OLFM2: variants seen among roughly 807,000 people sequenced by gnomAD.
OLFM2 encodes olfactomedin 2.
A neutral mutation model predicts 43.9 loss-of-function variants in OLFM2; 20 were observed. That is an observed-to-expected ratio of 0.46 (90% CI 0.32 to 0.66). The LOEUF (loss-of-function observed/expected upper bound fraction) is 0.66, where lower values mean the gene tolerates loss of function less well. Among genes scored for constraint, OLFM2 ranks in the 30% least tolerant of loss-of-function variants. OLFM2 has a pLI of 0.04. For missense variants in OLFM2, 416 were observed against 643.6 expected, an observed-to-expected ratio of 0.65 and a Z score of 3.83; for synonymous variants, 268 against 278.6, an observed-to-expected ratio of 0.96 and a Z score of 0.38.
In OLFM2 at chr19:9,898,615, C is replaced by T. The variant is rs947733657; in HGVS notation, c.63+37689G>A. ...CTGGGCTCATGCGATCCTCCTGCCT[C>T]AACCTCCCAAAGTTCTGGAATTACA... On this transcript the variant is annotated intron_variant, in intron 1 of 5. Transcript: ENST00000264833. 5.3e-5 allele frequency among the ~76,000 whole-genome samples: 8 copies of T among 152,198 alleles called. 1 individual carries two copies. In the South Asian group the frequency reaches 1.2e-3, roughly 24 times the overall value.
intron 1 of OLFM2, among the ~76,000 whole-genome samples, chr19:9,905,158 C>T (rs1244090416): frequency 2.6e-5 from 4 of 151,394 alleles, no homozygotes; most frequent in African/African-American, 9.7e-5. Flanking sequence ...CCTGTCTCTA[C>T]TAAAAATACA....
chr19:9,864,450 A>AC (rs2046385224), intron 1 of OLFM2, among the ~76,000 whole-genome samples: 1 of 151,704 alleles, frequency 6.6e-6, no homozygotes, highest in South Asian at 2.1e-4. Context: ...ACAATCACCC[A>AC]CCTCCATGCC....
intron 1 of OLFM2, among the ~76,000 whole-genome samples, chr19:9,890,784 T>C (rs1223102226): frequency 1.3e-5 from 2 of 151,630 alleles, no homozygotes; most frequent in Non-Finnish European, 2.9e-5. Flanking sequence ...AAGACCCCTA[T>C]TCTACAAAAT....
chr19:9,931,545 A>G (rs2086481875), intron 1 of OLFM2, among the ~76,000 whole-genome samples: 1 of 152,006 alleles, frequency 6.6e-6, no homozygotes, highest in African/African-American at 2.4e-5. Context: ...TACTAAAAAT[A>G]CAAAAATTAG....
intron 1 of OLFM2, among the ~76,000 whole-genome samples, chr19:9,886,509 T>C (rs1410091095): frequency 1.3e-5 from 2 of 151,952 alleles, no homozygotes; most frequent in African/African-American, 4.8e-5. Context: ...AGGGTATTTA[T>C]GTCAGTGTCC....
At chr19:9,873,668 C>T (rs1348919037) in intron 1 of OLFM2, among the ~76,000 whole-genome samples, 1 of 152,006 alleles carries the variant, frequency 6.6e-6, no homozygotes, top group Non-Finnish European at 1.5e-5. Flanking sequence ...TGCTCTGTCC[C>T]CCAGGCCGTG....
chr19:9,877,842 T>A (rs376474882), intron 1 of OLFM2, among the ~76,000 whole-genome samples: 2 of 150,606 alleles, frequency 1.3e-5, no homozygotes, highest in Non-Finnish European at 3.0e-5. Flanking sequence ...TTTTTTTTTT[T>A]AAGAAAGATT....
intron 1 of OLFM2, among the ~76,000 whole-genome samples, chr19:9,885,273 C>T (rs1009084309): frequency 1.3e-5 from 2 of 152,166 alleles, no homozygotes; most frequent in African/African-American, 2.4e-5. Context: ...GCTGAGTCTC[C>T]GGCAGTTAAT....
chr19:9,893,483 C>T (rs1325808773), intron 1 of OLFM2, among the ~76,000 whole-genome samples: 2 of 151,782 alleles, frequency 1.3e-5, no homozygotes, highest in Non-Finnish European at 2.9e-5. Context: ...AGCATCTTAA[C>T]ACCTTGGGGA....
intron 1 of OLFM2, among the ~76,000 whole-genome samples, chr19:9,904,182 G>GTGTGTGTGTGTGTGTA (rs2046765238): frequency 2.7e-5 from 4 of 150,926 alleles, no homozygotes; most frequent in African/African-American, 9.8e-5. Flanking sequence ...GTGTGTGTGT[G>GTGTGTGTGTGTGTGTA]TGTGTGTGTG....
chr19:9,881,379 A>G (rs1014581613), intron 1 of OLFM2, among the ~76,000 whole-genome samples: 4 of 152,148 alleles, frequency 2.6e-5, no homozygotes, highest in African/African-American at 9.7e-5. Flanking sequence ...AGGGCTACTG[A>G]GAGATGGACT....
intron 1 of OLFM2, among the ~76,000 whole-genome samples, chr19:9,927,804 G>T (rs1162550455): frequency 6.6e-6 from 1 of 152,180 alleles, no homozygotes; most frequent in Admixed American, 6.6e-5. Flanking sequence ...AGTGACTCAT[G>T]CCTGTAATCC....
intron 2 of OLFM2, among the ~76,000 whole-genome samples, chr19:9,858,487 A>G (rs1412101236): frequency 1.3e-5 from 2 of 152,150 alleles, no homozygotes; most frequent in East Asian, 3.8e-4. Context: ...GTGACTATGT[A>G]GAACATTCTT....
At chr19:9,910,431 T>C (rs2046818649) in intron 1 of OLFM2, among the ~76,000 whole-genome samples, 1 of 151,994 alleles carries the variant, frequency 6.6e-6, no homozygotes, top group African/African-American at 2.4e-5. Flanking sequence ...GATAGTCTTG[T>C]GGAATAGGCC....
intron 1 of OLFM2, among the ~76,000 whole-genome samples, chr19:9,934,399 T>G (rs2086503565): frequency 6.6e-6 from 1 of 151,588 alleles, no homozygotes; most frequent in Non-Finnish European, 1.5e-5. Flanking sequence ...CCAAAGCAAC[T>G]CCCTCCCAGC....
rs191920347 is a variant in OLFM2 at position 9,853,772 on chromosome 19, A to T, written c.*414T>A. ...CAAACCGGAAAGAAAAAGTGTAAAT[A>T]AAAAAAGAAACAGATCCATGCACTC... On this transcript the variant is annotated 3_prime_UTR_variant, in exon 6 of 6. Coordinates refer to ENST00000264833, the MANE Select transcript of OLFM2 (RefSeq NM_058164.4). The T allele has an allele frequency of 3.0e-6, 1 of 330,762 alleles. No individual in the cohort carries two copies. The allele number at this position is 330,762 out of a possible 1,614,324, so 20.5% of individuals were successfully genotyped here.
intron 1 of OLFM2, among the ~76,000 whole-genome samples, chr19:9,904,146 T>C (rs2144981524): frequency 7.1e-6 from 1 of 139,938 alleles, no homozygotes; most frequent in African/African-American, 2.7e-5. Context: ...CCAGGCTGAG[T>C]ATTGTTTGTG....
At chr19:9,919,168 TTC>T (rs200274998) in intron 1 of OLFM2, among the ~76,000 whole-genome samples, 2 of 131,536 alleles carry the variant, frequency 1.5e-5, no homozygotes, top group African/African-American at 5.3e-5. Flanking sequence ...GAGACCTCAT[TTC>T]TCTCTCTTTT....
At chr19:9,915,769 C>T (rs1275615066) in intron 1 of OLFM2, among the ~76,000 whole-genome samples, 5 of 152,010 alleles carry the variant, frequency 3.3e-5, no homozygotes, top group Non-Finnish European at 7.4e-5. Flanking sequence ...CTGCCCACCT[C>T]GGCCTCCCAA....
Sources: allele counts gnomAD v4.1 joint callset (sites outside exome capture counted in the v4.1 genomes callset), GRCh38; gene constraint gnomAD v4.1.1; transcripts MANE v1.5; gene names NCBI Gene and HGNC (gene_info 2026-07-23, HGNC 2026-07-21).